Variants in SLC9B1 observed in about 807,000 individuals in gnomAD.
SLC9B1 encodes solute carrier family 9 member B1, also known as sodium/hydrogen exchanger 9B1.
A neutral mutation model predicts 51.7 loss-of-function variants in SLC9B1; 32 were observed. That is an observed-to-expected ratio of 0.62 (90% confidence interval 0.47 to 0.83). The LOEUF is 0.83. SLC9B1 is among the 40% of genes least tolerant of loss of function. SLC9B1 has a pLI of 0.00. For synonymous variants in SLC9B1, 145 were observed against 212.7 expected, an observed-to-expected ratio of 0.68 and a Z score of 2.77; for missense variants, 406 against 613.2, an observed-to-expected ratio of 0.66 and a Z score of 3.57.
At chr4:102,996,946 C>G (rs1018761164) in intron 1 of SLC9B1, among the ~76,000 whole-genome samples, 2 of 130,234 alleles carry the variant, frequency 1.5e-5, no homozygotes, top group East Asian at 4.5e-4. Context: ...GCCATCATGT[C>G]CAGCAATTTT....
At chr4:102,976,857 AATG>A (rs1405075705) in intron 3 of SLC9B1, among the ~76,000 whole-genome samples, 1 of 152,184 alleles carries the variant, frequency 6.6e-6, no homozygotes, top group East Asian at 1.9e-4. Flanking sequence ...AAACATAAGA[AATG>A]TTATGGGCTG....
At chr4:102,985,145 T>C (rs528217148) in intron 3 of SLC9B1, among the ~76,000 whole-genome samples, 4 of 152,328 alleles carry the variant, frequency 2.6e-5, no homozygotes, top group African/African-American at 9.6e-5. Flanking sequence ...CTAATTTAAC[T>C]TTCTTTTTAT....
chr4:102,918,793 G>A (rs923017181), intron 7 of SLC9B1, among the ~76,000 whole-genome samples: 12 of 152,278 alleles, frequency 7.9e-5, no homozygotes, highest in South Asian at 2.1e-4. Context: ...ATTCCAGAAC[G>A]CAAGAAATAA....
At chr4:102,920,472 G>GA (rs1232009066) in intron 7 of SLC9B1, among the ~76,000 whole-genome samples, 1 of 152,182 alleles carries the variant, frequency 6.6e-6, no homozygotes, top group East Asian at 1.9e-4. Context: ...CAGAAAAGCT[G>GA]AAAATTCTAA....
chr4:102,928,039 A>C (rs993747669), intron 7 of SLC9B1, among the ~76,000 whole-genome samples: 1 of 151,534 alleles, frequency 6.6e-6, no homozygotes, highest in African/African-American at 2.4e-5. Context: ...GATCACTTGG[A>C]CACAGGGCTG....
At chr4:103,016,804 A>G (rs1342269491) in intron 1 of SLC9B1, 1 of 151,636 alleles carries the variant, frequency 6.6e-6, no homozygotes, top group African/African-American at 2.4e-5. Context: ...TTCCTACTTC[A>G]TTGGCTATTC....
intron 7 of SLC9B1, among the ~76,000 whole-genome samples, chr4:102,930,258 A>C (rs1736383251): frequency 6.6e-6 from 1 of 152,196 alleles, no homozygotes; most frequent in Non-Finnish European, 1.5e-5. Context: ...GGAAATGACA[A>C]GTTTATGTAC....
chr4:102,942,019 G>T (rs58153001), intron 6 of SLC9B1, among the ~76,000 whole-genome samples: 16,330 of 152,044 alleles, frequency 0.11, 978 homozygotes, highest in Admixed American at 0.15. Context: ...GATGGTGACT[G>T]AGCTGAGAAT....
At chr4:102,932,604 G>A (rs1159254203) in intron 6 of SLC9B1, among the ~76,000 whole-genome samples, 1 of 152,132 alleles carries the variant, frequency 6.6e-6, no homozygotes, top group Non-Finnish European at 1.5e-5. Context: ...AAAGCAAAAG[G>A]TGAATCCGCA....
At chr4:102,908,805 C>T in intron 9 of SLC9B1, among the ~76,000 whole-genome samples, 1 of 152,308 alleles carries the variant, frequency 6.6e-6, no homozygotes, top group Admixed American at 6.5e-5. Context: ...AAATTATATG[C>T]AATATATACA....
chr4:102,887,067 C>T (rs1046925040), intron 11 of SLC9B1, among the ~76,000 whole-genome samples: 15 of 152,126 alleles, frequency 9.9e-5, no homozygotes, highest in African/African-American at 3.6e-4. Flanking sequence ...AGAACTTATT[C>T]GATTCCCTTT....
At chr4:102,893,307 A>G (rs913147975) in intron 11 of SLC9B1, among the ~76,000 whole-genome samples, 205 of 143,304 alleles carry the variant, frequency 1.4e-3, no homozygotes, top group African/African-American at 4.9e-3. Flanking sequence ...AAAAAAAAAG[A>G]AAAAGAAAAA....
At chr4:102,961,149 T>A (rs886486201) in intron 3 of SLC9B1, among the ~76,000 whole-genome samples, 2 of 152,198 alleles carry the variant, frequency 1.3e-5, no homozygotes, top group African/African-American at 2.4e-5. Context: ...AAGACACACA[T>A]TCAGTTCATT....
At chr4:103,019,242 T>C (rs1741605593) in intron 1 of SLC9B1, among the ~76,000 whole-genome samples, 1 of 152,096 alleles carries the variant, frequency 6.6e-6, no homozygotes, top group Non-Finnish European at 1.5e-5. Context: ...GAAGGTTTAT[T>C]TGCAGGGATC....
chr4:102,925,346 T>C (rs1199159860), intron 7 of SLC9B1, among the ~76,000 whole-genome samples: 4 of 152,038 alleles, frequency 2.6e-5, no homozygotes, highest in East Asian at 1.9e-4. Context: ...TAGGTGGGAA[T>C]TGAACAATGA....
At chr4:102,993,329 TG>T (rs1740046782) in intron 1 of SLC9B1, among the ~76,000 whole-genome samples, 1 of 152,214 alleles carries the variant, frequency 6.6e-6, no homozygotes, top group South Asian at 2.1e-4. Context: ...ACAGACCCCA[TG>T]CAAGTCCGAA....
intron 3 of SLC9B1, among the ~76,000 whole-genome samples, chr4:102,969,734 A>T (rs953823765): frequency 6.6e-6 from 1 of 152,174 alleles, no homozygotes; most frequent in Admixed American, 6.5e-5. Context: ...GAAGCTAAAA[A>T]CCTTGAACAA....
At position 102,935,782 on chromosome 4, in the gene SLC9B1, T is replaced by A. The variant is rs115661172; in HGVS notation, c.654-3483A>T. ...GAACATTATTTTCAAAGATCTAGAA[T>A]GGTAACATAAAACTCACGAAGATGC... On this transcript the variant is annotated intron_variant, in intron 6 of 11. Transcript: ENST00000296422. Among the ~76,000 whole-genome samples, 933 of 152,306 alleles carry A rather than the reference T, an allele frequency of 6.1e-3. 9 individuals are homozygous for A. Among genetic ancestry groups the A allele is most frequent in the Admixed American group, 0.018 (283 of 15,302 alleles).
intron 7 of SLC9B1, among the ~76,000 whole-genome samples, chr4:102,924,505 T>C (rs1381265759): frequency 6.6e-6 from 1 of 152,178 alleles, no homozygotes; most frequent in African/African-American, 2.4e-5. Context: ...GGGCAAAGAA[T>C]TAATGACTAA....
Sources: allele counts gnomAD v4.1 joint callset (sites outside exome capture counted in the v4.1 genomes callset), GRCh38; gene constraint gnomAD v4.1.1; transcripts MANE v1.5; gene names NCBI Gene and HGNC (gene_info 2026-07-23, HGNC 2026-07-21).